The following VPS8 variants were observed in gnomAD, a reference collection of about 807,000 sequenced individuals.
VPS8 encodes the protein vacuolar protein sorting-associated protein 8 homolog.
In VPS8, 129 loss-of-function variants were observed where a neutral mutation model predicts 216.4. The ratio of observed to expected loss-of-function variants is 0.60; its 90% CI spans 0.52 to 0.69. The LOEUF is 0.69. VPS8 is among the 30% of genes least tolerant of loss of function. The pLI, the probability that VPS8 is intolerant of heterozygous loss-of-function variation, is 0.00. For synonymous variants in VPS8, 571 were observed against 565.4 expected, an observed-to-expected ratio of 1.01 and a Z score of -0.14; for missense variants, 1,531 against 1,683.5, an observed-to-expected ratio of 0.91 and a Z score of 1.59.
At chr3:184,913,977 T>G (rs929475295) in intron 26 of VPS8, among the ~76,000 whole-genome samples, 5 of 152,250 alleles carry the variant, frequency 3.3e-5, no homozygotes, top group African/African-American at 9.6e-5. Flanking sequence ...TTTCTACATA[T>G]GAGGGCAAGA....
chr3:184,926,958 C>T (rs1320210170), intron 31 of VPS8, among the ~76,000 whole-genome samples: 1 of 152,156 alleles, frequency 6.6e-6, no homozygotes, highest in African/African-American at 2.4e-5. Context: ...CCATTGGCAT[C>T]ATTAATCTGG....
intron 25 of VPS8, among the ~76,000 whole-genome samples, chr3:184,911,945 G>A (rs779695803): frequency 1.4e-4 from 22 of 152,164 alleles, no homozygotes; most frequent in Non-Finnish European, 2.6e-4. Context: ...TGTGTCCGGC[G>A]TAGTGCCCAT....
chr3:184,996,642 C>A, intron 44 of VPS8, 141 bp downstream of exon 44: 1 of 948,900 alleles, frequency 1.1e-6, no homozygotes, highest in Non-Finnish European at 1.5e-6. Flanking sequence ...ACCTTACATT[C>A]TGCATTGGGG....
intron 16 of VPS8, among the ~76,000 whole-genome samples, chr3:184,864,882 C>G (rs576248269): frequency 6.6e-6 from 1 of 152,160 alleles, no homozygotes; most frequent in South Asian, 2.1e-4. Context: ...AAAACTAAAT[C>G]ACACCTGACA....
intron 12 of VPS8, 27 bp from the exon 13 acceptor site, chr3:184,854,087 T>C (rs1354476778): frequency 6.2e-7 from 1 of 1,613,472 alleles, no homozygotes; most frequent in Admixed American, 1.7e-5. Flanking sequence ...CCAAGGTCAA[T>C]ATTGAAAACA....
At chr3:185,034,683 G>A (rs1183849977) in intron 46 of VPS8, among the ~76,000 whole-genome samples, 1 of 151,658 alleles carries the variant, frequency 6.6e-6, no homozygotes, top group African/African-American at 2.4e-5. Context: ...TTTTGCTTTT[G>A]CTTTTTTTTG....
At chr3:184,825,545 T>C (rs1379381560) in intron 2 of VPS8, among the ~76,000 whole-genome samples, 1 of 152,124 alleles carries the variant, frequency 6.6e-6, no homozygotes, top group Non-Finnish European at 1.5e-5. Context: ...AAATTAGGGG[T>C]TTTCTTAGAT....
intron 5 of VPS8, among the ~76,000 whole-genome samples, chr3:184,835,493 G>A (rs185558401): frequency 3.9e-4 from 60 of 152,140 alleles, no homozygotes; most frequent in African/African-American, 1.4e-3. Context: ...AGAACTTTTC[G>A]TTTGACACTA....
rs141411209 is a variant in VPS8 at position 185,051,927 on chromosome 3, C to T, written c.4189C>T (p.Pro1397Ser). The stretch of plus-strand genomic sequence containing the variant: ...GAATCGCAGCAGCGAGAGCTATAGG[C>T]CATTCAGTGGCTCGCAGAGTGCTCC... ...SQNRSSESYR[P>S]FSGSQSAPAF... Residue 1397 changes from proline (P) to serine (S), a missense_variant, in exon 48 of 48, where the codon CCA becomes TCA. Coordinates refer to ENST00000625842, the MANE Select transcript of VPS8 (RefSeq NM_001009921.3). The T allele has an allele frequency of 1.2e-6, 2 of 1,613,470 alleles. No homozygotes were observed. Among genetic ancestry groups the T allele is most frequent in the East Asian group, 2.2e-5 (1 of 44,848 alleles).
At chr3:184,838,842 A>G (rs1436904532) in intron 6 of VPS8, 96 bp downstream of exon 6, 46 of 958,592 alleles carry the variant, frequency 4.8e-5, no homozygotes, top group Non-Finnish European at 6.5e-5. Flanking sequence ...ATAAGTTGTT[A>G]TGGTAATAAA....
At chr3:184,902,171 T>C (rs991121155) in intron 25 of VPS8, among the ~76,000 whole-genome samples, 7 of 150,060 alleles carry the variant, frequency 4.7e-5, no homozygotes, top group Non-Finnish European at 7.4e-5. Context: ...CTTCATATTA[T>C]TGAATTGTTA....
intron 29 of VPS8, among the ~76,000 whole-genome samples, chr3:184,924,445 A>C (rs1739195683): frequency 6.6e-6 from 1 of 152,102 alleles, no homozygotes; most frequent in Admixed American, 6.5e-5. Flanking sequence ...TGAACCCAAG[A>C]GGTGGAGGTT....
chr3:184,904,718 A>T (rs79527992), intron 25 of VPS8, among the ~76,000 whole-genome samples: 59 of 152,328 alleles, frequency 3.9e-4, no homozygotes, highest in African/African-American at 1.4e-3. Flanking sequence ...TGTTTGCCTC[A>T]TAGAATGAGT....
At chr3:185,049,397 C>T (rs544284104) in intron 47 of VPS8, among the ~76,000 whole-genome samples, 1 of 152,282 alleles carries the variant, frequency 6.6e-6, no homozygotes, top group South Asian at 2.1e-4. Flanking sequence ...GAGCAGAGAC[C>T]TGGCAGCACT....
At chr3:184,859,468 A>G (rs1725875179) in intron 14 of VPS8, among the ~76,000 whole-genome samples, 1 of 152,190 alleles carries the variant, frequency 6.6e-6, no homozygotes, top group Admixed American at 6.5e-5. Flanking sequence ...ACATGTTATA[A>G]CAAGTTAGTA....
At chr3:184,858,041 G>A (rs543093773) in intron 14 of VPS8, among the ~76,000 whole-genome samples, 1 of 152,316 alleles carries the variant, frequency 6.6e-6, no homozygotes, top group Admixed American at 6.5e-5. Flanking sequence ...GGATCAGAAG[G>A]TAACTTAAAG....
At chr3:184,936,410 T>C in intron 35 of VPS8, 75 bp downstream of exon 35, 1 of 1,300,852 alleles carries the variant, frequency 7.7e-7, no homozygotes, top group Non-Finnish European at 1.1e-6. Flanking sequence ...CTAAGAAGTT[T>C]TGATTGTAGT....
chr3:184,931,611 G>A (rs112414752), intron 34 of VPS8, among the ~76,000 whole-genome samples: 209 of 152,294 alleles, frequency 1.4e-3, no homozygotes, highest in Middle Eastern at 0.01. Flanking sequence ...GGCACGAAAG[G>A]TAGTATAGCC....
intron 46 of VPS8, among the ~76,000 whole-genome samples, chr3:185,031,062 C>CTTT (rs1561198896): frequency 1.3e-5 from 1 of 75,238 alleles, no homozygotes; most frequent in African/African-American, 7.4e-5. Context: ...TACAGGTTGG[C>CTTT]GTTTTTTTTT....
Sources: gnomAD v4.1 joint callset for allele counts (sites outside exome capture counted in the v4.1 genomes callset) on GRCh38, gnomAD v4.1.1 for gene constraint, MANE v1.5 for transcripts, NCBI Gene and HGNC (gene_info 2026-07-23, HGNC 2026-07-21) for gene names.